LRP1B: variants seen among roughly 807,000 people sequenced by gnomAD.
The protein encoded by LRP1B is low-density lipoprotein receptor-related protein 1B.
In LRP1B, 217 loss-of-function variants were observed where a neutral mutation model predicts 556.6. That is an observed-to-expected ratio of 0.39 (90% CI 0.35 to 0.44). The LOEUF (loss-of-function observed/expected upper bound fraction) is 0.44. LRP1B is among the 20% of genes least tolerant of loss of function. The probability of loss-of-function intolerance (pLI) is 1.00; values close to 1 mark genes in which losing one functional copy is unlikely to be tolerated. For missense variants in LRP1B, 5,053 were observed against 5,620.8 expected, an observed-to-expected ratio of 0.90 and a Z score of 3.23; for synonymous variants, 2,047 against 1,865.8, an observed-to-expected ratio of 1.10 and a Z score of -2.50.
rs563709222 is a variant in LRP1B at position 141,247,271 on chromosome 2, C to T, written c.547G>A (p.Gly183Ser). Residue 183 changes from glycine (G) to serine (S), a missense_variant, in exon 5 of 91, where the codon GGC becomes AGC. Physicochemically the swap from Gly to Ser is moderately conservative, Grantham distance 56. Coordinates refer to ENST00000389484, the MANE Select transcript of LRP1B (RefSeq NM_018557.3). ...CTGTTGTCTGGCTGCATTAGGTAGC[C>T]TTCCACACAACTGCAAGTGTAGGAT... The part of the protein sequence containing the change: ...HGSYTCSCVE[G>S]YLMQPDNRSC... The T allele has an allele frequency of 3.1e-6, 5 of 1,613,750 alleles. No homozygotes were observed. In the South Asian group the frequency reaches 5.5e-5, roughly 18 times the overall value.
chr2:142,042,799 T>A (rs1704109752), intron 1 of LRP1B, among the ~76,000 whole-genome samples: 1 of 151,592 alleles, frequency 6.6e-6, no homozygotes, highest in African/African-American at 2.4e-5. Flanking sequence ...AGAATCTAAT[T>A]TCTTTTCCTT....
chr2:140,297,641 T>C (rs537196610), intron 84 of LRP1B, among the ~76,000 whole-genome samples, 167 bp downstream of exon 84: 1 of 152,238 alleles, frequency 6.6e-6, no homozygotes, highest in Admixed American at 6.5e-5. Flanking sequence ...ATAAAATCTT[T>C]ACAATAAGAG....
In LRP1B at chr2:141,869,158, A is replaced by G. The variant is rs1041712014; in HGVS notation, c.83-58757T>C. 2.6e-5 allele frequency among the ~76,000 whole-genome samples: 4 copies of G among 152,250 alleles called. No individual in the cohort carries two copies. The East Asian group carries it at 5.8e-4, about 22-fold the overall frequency. ...ATTCTAGACCAGTGCCATCCGATAG[A>G]ATGTGCAATGATGAAAATGTTCTTT... On this transcript the variant is annotated intron_variant, in intron 1 of 90. Transcript: ENST00000389484.
intron 66 of LRP1B, among the ~76,000 whole-genome samples, chr2:140,426,049 A>G (rs1685637188): frequency 6.6e-6 from 1 of 152,218 alleles, no homozygotes; most frequent in Non-Finnish European, 1.5e-5. Context: ...TATTAAAGAA[A>G]ACAGATAATA....
intron 7 of LRP1B, among the ~76,000 whole-genome samples, chr2:141,086,047 G>A (rs1416383060): frequency 6.6e-6 from 1 of 152,210 alleles, no homozygotes; most frequent in Non-Finnish European, 1.5e-5. Flanking sequence ...GAAGCATCAG[G>A]TCTGCTTGTT....
intron 1 of LRP1B, among the ~76,000 whole-genome samples, chr2:141,925,223 C>A (rs1185392573): frequency 6.6e-6 from 1 of 152,082 alleles, no homozygotes; most frequent in Non-Finnish European, 1.5e-5. Flanking sequence ...TCAAATAGGT[C>A]ACTAAACTTG....
At chr2:142,123,185 A>C (rs1375806552) in intron 1 of LRP1B, among the ~76,000 whole-genome samples, 5 of 152,038 alleles carry the variant, frequency 3.3e-5, no homozygotes, top group Admixed American at 2.0e-4. Context: ...GGAACACACA[A>C]AGCAACCATA....
At chr2:141,142,662 T>C (rs1276987943) in intron 7 of LRP1B, among the ~76,000 whole-genome samples, 4 of 152,144 alleles carry the variant, frequency 2.6e-5, no homozygotes, top group Non-Finnish European at 4.4e-5. Flanking sequence ...CATCTTCAAA[T>C]CTACCTTGTG....
intron 39 of LRP1B, 90 bp from the exon 40 acceptor site, chr2:140,701,935 C>T (rs907989564): frequency 4.2e-5 from 64 of 1,525,900 alleles, no homozygotes; most frequent in Non-Finnish European, 5.6e-5. Flanking sequence ...GATGGACCAA[C>T]AGAAGGGAAA....
intron 66 of LRP1B, among the ~76,000 whole-genome samples, chr2:140,407,876 C>A (rs1215382776): frequency 1.3e-5 from 2 of 151,898 alleles, no homozygotes; most frequent in Non-Finnish European, 2.9e-5. Context: ...GACACATGCA[C>A]ATGCATGTTT....
chr2:140,302,295 C>T (rs1159261945), intron 83 of LRP1B, among the ~76,000 whole-genome samples: 3 of 152,088 alleles, frequency 2.0e-5, no homozygotes, highest in Non-Finnish European at 4.4e-5. Flanking sequence ...AACTTCAGAC[C>T]TTCAATTTTA....
chr2:141,449,849 A>G (rs1681346387), intron 3 of LRP1B, among the ~76,000 whole-genome samples: 1 of 152,174 alleles, frequency 6.6e-6, no homozygotes. Flanking sequence ...TTGATACCAG[A>G]TAATTACCTG....
At chr2:141,442,900 G>A (rs1319956507) in intron 3 of LRP1B, among the ~76,000 whole-genome samples, 3 of 152,166 alleles carry the variant, frequency 2.0e-5, no homozygotes, top group Non-Finnish European at 2.9e-5. Context: ...ATATATGCAT[G>A]TGTCTTCATA....
intron 47 of LRP1B, 21 bp from the exon 48 acceptor site, chr2:140,526,371 A>G (rs559799054): frequency 7.3e-7 from 1 of 1,375,778 alleles, no homozygotes; most frequent in East Asian, 2.3e-5. Flanking sequence ...AGGTACATAA[A>G]CAAATGCAAA....
chr2:141,945,291 C>T (rs1361154949), intron 1 of LRP1B, among the ~76,000 whole-genome samples: 4 of 152,002 alleles, frequency 2.6e-5, no homozygotes, highest in Non-Finnish European at 4.4e-5. Context: ...GGATAATGGA[C>T]TGTAGTAGCA....
At chr2:141,007,763 T>C (rs116357761) in intron 14 of LRP1B, among the ~76,000 whole-genome samples, 203 of 151,896 alleles carry the variant, frequency 1.3e-3, no homozygotes, top group Middle Eastern at 3.5e-3. Context: ...AACGTTGAAA[T>C]TATATGCTAA....
intron 1 of LRP1B, among the ~76,000 whole-genome samples, chr2:141,965,962 G>T (rs749491201): frequency 2.6e-5 from 4 of 151,570 alleles, no homozygotes; most frequent in Non-Finnish European, 4.4e-5. Context: ...TGAATATATT[G>T]TCTCATCACT....
intron 3 of LRP1B, among the ~76,000 whole-genome samples, chr2:141,334,837 C>T (rs1687786833): frequency 6.6e-6 from 1 of 152,122 alleles, no homozygotes; most frequent in African/African-American, 2.4e-5. Context: ...CAGGCATGAC[C>T]CACCATGCCC....
intron 76 of LRP1B, 57 bp from the exon 77 acceptor site, chr2:140,351,095 G>A (rs150965085): frequency 1.8e-6 from 2 of 1,134,256 alleles, no homozygotes; most frequent in Admixed American, 2.4e-5. Context: ...AATGTTAAAA[G>A]CAATAATTGT....
Sources: allele counts gnomAD v4.1 joint callset (sites outside exome capture counted in the v4.1 genomes callset), GRCh38; gene constraint gnomAD v4.1.1; transcripts MANE v1.5; gene names NCBI Gene and HGNC (gene_info 2026-07-23, HGNC 2026-07-21).